Variants in MTSS1 observed in about 807,000 individuals in gnomAD.
MTSS1 encodes the protein MTSS I-BAR domain containing 1.
In MTSS1, 18 loss-of-function variants were observed where a neutral mutation model predicts 79.0. The ratio of observed to expected loss-of-function variants is 0.23; its 90% CI spans 0.16 to 0.34. The LOEUF (loss-of-function observed/expected upper bound fraction) is 0.34. Ranked by LOEUF, MTSS1 falls within the 10% of genes least tolerant of loss-of-function variation. The pLI is 1.00. For missense variants in MTSS1, 815 were observed against 986.2 expected (o/e 0.83, Z 2.33); for synonymous variants, 341 against 368.6 (o/e 0.93, Z 0.86).
intron 3 of MTSS1, among the ~76,000 whole-genome samples, chr8:124,676,664 C>A (rs1188038826): frequency 6.6e-6 from 1 of 152,238 alleles, no homozygotes; most frequent in African/African-American, 2.4e-5. Context: ...TCAACTCCCT[C>A]TAGGTGTTAA....
At position 124,604,605 on chromosome 8, in the gene MTSS1, T is replaced by A. The variant is rs565385130; in HGVS notation, c.209-13370A>T. ...AAAATTTCCTGTGTGGTTTTTTTTT[T>A]AAAAAACCTGTTTTATTCAGCTACT... On this transcript the variant is annotated intron_variant, in intron 3 of 13. Transcript: ENST00000518547. Among the ~76,000 whole-genome samples, 241 of 152,020 alleles carry A rather than the reference T, an allele frequency of 1.6e-3. 1 individual carries two copies. Among genetic ancestry groups the A allele is most frequent in the African/African-American group, 4.6e-3 (190 of 41,474 alleles).
At chr8:124,696,795 G>A (rs1157135701) in intron 3 of MTSS1, among the ~76,000 whole-genome samples, 1 of 151,238 alleles carries the variant, frequency 6.6e-6, no homozygotes. Flanking sequence ...AGGTTGCAGT[G>A]AGCTGAGATT....
At chr8:124,559,522 A>G (rs1302664676) in intron 10 of MTSS1, among the ~76,000 whole-genome samples, 1 of 152,180 alleles carries the variant, frequency 6.6e-6, no homozygotes, top group Admixed American at 6.5e-5. Context: ...GGAATGAACC[A>G]TCTCTGGAGA....
At chr8:124,653,390 A>G (rs1402700299) in intron 3 of MTSS1, among the ~76,000 whole-genome samples, 1 of 152,196 alleles carries the variant, frequency 6.6e-6, no homozygotes, top group East Asian at 1.9e-4. Flanking sequence ...CATTACAACT[A>G]TGTTGGCATA....
chr8:124,720,736 G>A (rs1832785619), intron 1 of MTSS1, among the ~76,000 whole-genome samples: 3 of 152,226 alleles, frequency 2.0e-5, no homozygotes, highest in Non-Finnish European at 4.4e-5. Flanking sequence ...TGCCTAAGAA[G>A]TGGTGGAGAT....
intron 3 of MTSS1, among the ~76,000 whole-genome samples, chr8:124,607,056 C>T (rs1168522227): frequency 5.3e-5 from 8 of 152,180 alleles, no homozygotes; most frequent in South Asian, 2.1e-4. Context: ...TAGAAACTGA[C>T]GTTTTAGAAA....
intron 10 of MTSS1, among the ~76,000 whole-genome samples, chr8:124,560,301 G>A (rs979467212): frequency 3.9e-5 from 6 of 152,204 alleles, no homozygotes; most frequent in Non-Finnish European, 8.8e-5. Flanking sequence ...CAGGAAGACT[G>A]CTTGAGGCTA....
intron 1 of MTSS1, among the ~76,000 whole-genome samples, chr8:124,726,452 G>A (rs1190430796): frequency 6.6e-6 from 1 of 152,212 alleles, no homozygotes; most frequent in Non-Finnish European, 1.5e-5. Context: ...TGGACTATAA[G>A]CATTCCTGGG....
chr8:124,558,360 C>T (rs1422074934), intron 10 of MTSS1, among the ~76,000 whole-genome samples: 1 of 152,134 alleles, frequency 6.6e-6, no homozygotes, highest in African/African-American at 2.4e-5. Flanking sequence ...CGGAAAAGCA[C>T]ACAGCCTCTG....
chr8:124,556,530 A>G lies in MTSS1; in HGVS notation c.1231-125T>C. 3 of 1,079,720 alleles carry G rather than the reference A, an allele frequency of 2.8e-6. No homozygotes were observed. In the South Asian group the frequency reaches 5.0e-5, roughly 18 times the overall value. 66.9% of individuals were successfully genotyped at this position (1,079,720 alleles called of 1,614,324 possible). Reference sequence around the variant, plus strand: ...TTAAGGGGAACCTCCGGCTGGGACAAGCCACAGGCCCTCTGCATGCCCTCT... The same window carrying G: ...TTAAGGGGAACCTCCGGCTGGGACAGGCCACAGGCCCTCTGCATGCCCTCT... On this transcript the variant is annotated intron_variant, in intron 11 of 13. Coordinates refer to ENST00000518547, the MANE Select transcript of MTSS1 (RefSeq NM_014751.6).
In MTSS1 at chr8:124,567,128, C is replaced by A; in HGVS notation, c.669G>T (p.Ser223=). 2 of 1,614,118 alleles carry A rather than the reference C, an allele frequency of 1.2e-6. No homozygotes were observed. Among genetic ancestry groups the A allele is most frequent in the Non-Finnish European group, 1.7e-6 (2 of 1,179,984 alleles). The change falls in exon 8 of 14, where the codon TCG becomes TCT. Residue 223 remains serine (S), a synonymous_variant. Transcript: ENST00000518547. ...CCATGGTCAGGCTTTTTAGATCTTCCGAGATGGTCTGAAGGTGGGTTATTT... is the reference window on the plus strand; with the variant it reads ...CCATGGTCAGGCTTTTTAGATCTTCAGAGATGGTCTGAAGGTGGGTTATTT... ...LGEITHLQTI[S]EDLKSLTMDP... is the part of the protein sequence containing the mutation.
At chr8:124,586,340 GCA>G (rs1830852404) in intron 5 of MTSS1, among the ~76,000 whole-genome samples, 1 of 152,172 alleles carries the variant, frequency 6.6e-6, no homozygotes, top group African/African-American at 2.4e-5. Flanking sequence ...CTGCCTATCT[GCA>G]CAGTTTTCTA....
intron 3 of MTSS1, among the ~76,000 whole-genome samples, chr8:124,608,127 C>T (rs1450502369): frequency 6.6e-6 from 1 of 151,916 alleles, no homozygotes; most frequent in Admixed American, 6.6e-5. Context: ...GTATTAGATG[C>T]CCCTCTGAGA....
intron 2 of MTSS1, among the ~76,000 whole-genome samples, chr8:124,701,499 T>C (rs1424149993): frequency 1.3e-5 from 2 of 152,212 alleles, no homozygotes; most frequent in South Asian, 2.1e-4. Flanking sequence ...TTTAAAGAGT[T>C]GACATCAAAC....
rs116621226 is a variant in MTSS1, at chr8:124,631,849, C to G, written c.209-40614G>C. 5.4e-3 allele frequency among the ~76,000 whole-genome samples: 821 copies of G among 152,302 alleles called. 5 individuals carry two copies. The highest frequency in any genetic ancestry group is 0.018 in the African/African-American group (751 of 41,554). On this transcript the variant is annotated intron_variant, in intron 3 of 13. Transcript: ENST00000518547. Reference sequence around the variant, plus strand: ...GGCAGAGGCAGCAAAGCTCAGGCTTCCCCCACTGCCTGTCCACCCACTCGG... The same window carrying G: ...GGCAGAGGCAGCAAAGCTCAGGCTTGCCCCACTGCCTGTCCACCCACTCGG...
intron 11 of MTSS1, among the ~76,000 whole-genome samples, chr8:124,556,911 G>A (rs1249900286): frequency 1.3e-5 from 2 of 152,214 alleles, no homozygotes; most frequent in Non-Finnish European, 2.9e-5. Flanking sequence ...AGGAAAGGAA[G>A]GCGCCCAGGG....
At chr8:124,580,501 C>T in intron 6 of MTSS1, 2 of 1,534,296 alleles carry the variant, frequency 1.3e-6, no homozygotes, top group South Asian at 2.4e-5. Flanking sequence ...AAGCCCACAG[C>T]AAGGACCACA....
At chr8:124,634,356 A>C (rs1816617342) in intron 3 of MTSS1, among the ~76,000 whole-genome samples, 1 of 151,482 alleles carries the variant, frequency 6.6e-6, no homozygotes, top group Non-Finnish European at 1.5e-5. Context: ...CACATTGCCC[A>C]GGCTGGTCTC....
At chr8:124,605,640 G>GCCCTCGC (rs1554667806) in intron 3 of MTSS1, among the ~76,000 whole-genome samples, 1 of 126,494 alleles carries the variant, frequency 7.9e-6, no homozygotes, top group Non-Finnish European at 1.7e-5. Context: ...CCTCGCGCTG[G>GCCCTCGC]GCTCCCGTTG....
Sources: allele counts gnomAD v4.1 joint callset (sites outside exome capture counted in the v4.1 genomes callset), GRCh38; gene constraint gnomAD v4.1.1; transcripts MANE v1.5; gene names NCBI Gene and HGNC (gene_info 2026-07-23, HGNC 2026-07-21).